Variants in CLASP1 observed in about 807,000 individuals in gnomAD.
CLASP1 encodes cytoplasmic linker associated protein 1.
Under a neutral mutation model 192.3 loss-of-function variants are expected in CLASP1, and 38 were observed. That is an observed-to-expected ratio of 0.20 (90% CI 0.15 to 0.26). CLASP1 has a LOEUF of 0.26. CLASP1 is among the 10% of genes least tolerant of loss of function. The pLI, the probability that CLASP1 is intolerant of heterozygous loss-of-function variation, is 1.00. For synonymous variants in CLASP1, 691 were observed against 712.8 expected, an observed-to-expected ratio of 0.97 and a Z score of 0.49; for missense variants, 1,433 against 1,932.5, an observed-to-expected ratio of 0.74 and a Z score of 4.85.
At chr2:121,478,974 A>C (rs892864794) in intron 8 of CLASP1, among the ~76,000 whole-genome samples, 7 of 48,088 alleles carry the variant, frequency 1.5e-4, no homozygotes, top group Admixed American at 4.9e-4. Context: ...CACACACACC[A>C]CACACACACC....
intron 1 of CLASP1, among the ~76,000 whole-genome samples, chr2:121,618,448 T>C (rs935472035): frequency 2.0e-5 from 3 of 152,092 alleles, no homozygotes; most frequent in Admixed American, 1.3e-4. Flanking sequence ...AAACAAGCAG[T>C]CTAGAAAGAT....
intron 8 of CLASP1, among the ~76,000 whole-genome samples, chr2:121,485,862 T>C (rs1559397334): frequency 6.6e-6 from 1 of 152,136 alleles, no homozygotes. Context: ...TGCTCGTAAT[T>C]CAGAGGTGAA....
At chr2:121,390,860 G>C (rs181830719) in intron 30 of CLASP1, among the ~76,000 whole-genome samples, 9 of 152,026 alleles carry the variant, frequency 5.9e-5, no homozygotes, top group Non-Finnish European at 1.0e-4. Flanking sequence ...ATGTTGCCCA[G>C]GCTGGAGTAC....
At chr2:121,542,397 A>C (rs2095252967) in intron 2 of CLASP1, among the ~76,000 whole-genome samples, 1 of 152,232 alleles carries the variant, frequency 6.6e-6, no homozygotes, top group Admixed American at 6.5e-5. Flanking sequence ...TTTTTTAGTT[A>C]TTTTAAAAGA....
intron 7 of CLASP1, among the ~76,000 whole-genome samples, chr2:121,513,697 G>A (rs2094205959): frequency 6.6e-6 from 1 of 152,176 alleles, no homozygotes; most frequent in African/African-American, 2.4e-5. Flanking sequence ...AGATGCATGG[G>A]GTGAAACCCA....
At chr2:121,375,085 G>T (rs2069721266) in intron 34 of CLASP1, among the ~76,000 whole-genome samples, 1 of 152,170 alleles carries the variant, frequency 6.6e-6, no homozygotes, top group Non-Finnish European at 1.5e-5. Context: ...AATTCCCAAT[G>T]TCGGGGGAGG....
At chr2:121,561,835 C>T (rs187417641) in intron 2 of CLASP1, among the ~76,000 whole-genome samples, 3 of 152,276 alleles carry the variant, frequency 2.0e-5, no homozygotes, top group Admixed American at 2.0e-4. Flanking sequence ...TCACTATTCT[C>T]CCTTGAAGAA....
In CLASP1 at chr2:121,364,936, C is replaced by T. The variant is rs781316838; in HGVS notation, c.4077+158G>A. On this transcript the variant is annotated intron_variant, in intron 36 of 39. Transcript: ENST00000263710. Reference sequence around the variant, plus strand: ...CTGATAAAAACATGACCTTACTAAACGTGCTCAGAAAATATGTGAAAAATG... The same window carrying T: ...CTGATAAAAACATGACCTTACTAAATGTGCTCAGAAAATATGTGAAAAATG... The T allele has an allele frequency of 7.1e-4, 521 of 736,904 alleles. 1 individual carries two copies. Among genetic ancestry groups the T allele is most frequent in the Non-Finnish European group, 2.0e-4 (85 of 434,556 alleles). The allele number at this position is 736,904 out of a possible 1,614,324, so 45.6% of individuals were successfully genotyped here.
chr2:121,595,247 G>A (rs1212722998), intron 2 of CLASP1, among the ~76,000 whole-genome samples: 6 of 152,060 alleles, frequency 3.9e-5, no homozygotes, highest in African/African-American at 1.4e-4. Flanking sequence ...ATGTAACCTC[G>A]GGCAAGTTTC....
intron 8 of CLASP1, among the ~76,000 whole-genome samples, chr2:121,477,917 A>C (rs1575254654): frequency 6.6e-6 from 1 of 152,348 alleles, no homozygotes; most frequent in African/African-American, 2.4e-5. Flanking sequence ...TTGGTCTTAA[A>C]GCAATTCCCA....
intron 2 of CLASP1, among the ~76,000 whole-genome samples, chr2:121,601,982 C>G (rs953957730): frequency 3.9e-5 from 6 of 152,046 alleles, no homozygotes; most frequent in African/African-American, 1.4e-4. Flanking sequence ...CGAAACCAGC[C>G]TGGCCAATGT....
intron 2 of CLASP1, among the ~76,000 whole-genome samples, chr2:121,596,317 A>G (rs138552656): frequency 1.6e-4 from 24 of 152,342 alleles, no homozygotes; most frequent in African/African-American, 5.5e-4. Context: ...CAAACACTGC[A>G]AGGAAAACCT....
chr2:121,538,319 G>A (rs373195684), intron 2 of CLASP1, among the ~76,000 whole-genome samples: 21 of 152,106 alleles, frequency 1.4e-4, no homozygotes, highest in African/African-American at 4.3e-4. Context: ...GGCTGAGGCA[G>A]GAGAATCGCT....
chr2:121,621,088 A>G (rs1309367334), intron 1 of CLASP1, among the ~76,000 whole-genome samples: 1 of 152,054 alleles, frequency 6.6e-6, no homozygotes, highest in East Asian at 1.9e-4. Context: ...ATTAATTGGT[A>G]CATGCTTGTA....
At chr2:121,409,155 A>C (rs2077330752) in intron 24 of CLASP1, 1 of 873,904 alleles carries the variant, frequency 1.1e-6, no homozygotes, top group Non-Finnish European at 1.8e-6. Context: ...AACATATCTT[A>C]GCAAACCAAA....
chr2:121,619,054 T>G, intron 1 of CLASP1, among the ~76,000 whole-genome samples: 1 of 152,210 alleles, frequency 6.6e-6, no homozygotes, highest in Non-Finnish European at 1.5e-5. Flanking sequence ...AAATCAGAGT[T>G]AAACTAATTT....
intron 2 of CLASP1, chr2:121,530,934 G>GA (rs764859299): frequency 8.6e-6 from 6 of 700,288 alleles, no homozygotes; most frequent in African/African-American, 1.7e-5. Context: ...AGTGAGGGCA[G>GA]TACTGCTAAC....
intron 22 of CLASP1, 146 bp downstream of exon 22, chr2:121,424,993 A>C: frequency 2.7e-6 from 2 of 727,440 alleles, no homozygotes; most frequent in South Asian, 4.5e-5. Flanking sequence ...AATATGCCAT[A>C]ATCTGTATAA....
At chr2:121,511,480 C>T (rs1342820986) in intron 7 of CLASP1, among the ~76,000 whole-genome samples, 1 of 151,592 alleles carries the variant, frequency 6.6e-6, no homozygotes, top group Non-Finnish European at 1.5e-5. Flanking sequence ...CCCAGCTACT[C>T]GGGAGGCTGA....
Sources: gnomAD v4.1 joint callset for allele counts (sites outside exome capture counted in the v4.1 genomes callset) on GRCh38, gnomAD v4.1.1 for gene constraint, MANE v1.5 for transcripts, NCBI Gene and HGNC (gene_info 2026-07-23, HGNC 2026-07-21) for gene names.